The following CSNK2A2IP variants were observed in gnomAD, a reference collection of about 807,000 sequenced individuals.
The protein encoded by CSNK2A2IP is casein kinase II subunit alpha'-interacting protein.
At chr3:88,415,599 G>A in the CSNK2A2IP span, among the ~76,000 whole-genome samples, 1 of 151,862 alleles carries the variant, frequency 6.6e-6, no homozygotes, top group Admixed American at 6.6e-5. Context: ...ATAAGAGTGG[G>A]GAGGGGGCGG....
the CSNK2A2IP span, among the ~76,000 whole-genome samples, chr3:88,428,245 A>G: frequency 6.6e-6 from 1 of 152,082 alleles, no homozygotes; most frequent in East Asian, 1.9e-4. Flanking sequence ...TATTTACCCA[A>G]TGCTTGTACC....
the CSNK2A2IP span, among the ~76,000 whole-genome samples, chr3:88,416,729 A>G: frequency 4.6e-5 from 7 of 152,268 alleles, no homozygotes; most frequent in South Asian, 1.2e-3. Flanking sequence ...TATAAATCCT[A>G]CCCCATTAAT....
chr3:88,442,531 TAATAAG>T, the CSNK2A2IP span, among the ~76,000 whole-genome samples: 1 of 152,126 alleles, frequency 6.6e-6, no homozygotes, highest in African/African-American at 2.4e-5. Context: ...TGTTTTATAA[TAATAAG>T]AATAATAATT....
At chr3:88,446,365 G>A in the CSNK2A2IP span, among the ~76,000 whole-genome samples, 3 of 152,038 alleles carry the variant, frequency 2.0e-5, no homozygotes. Context: ...TAGGATTACA[G>A]GCATGAGCCA....
At chr3:88,408,619 C>T in the CSNK2A2IP span, among the ~76,000 whole-genome samples, 2 of 152,054 alleles carry the variant, frequency 1.3e-5, no homozygotes, top group African/African-American at 2.4e-5. Flanking sequence ...ACATAAAGTA[C>T]TCTATTAACT....
the CSNK2A2IP span, among the ~76,000 whole-genome samples, chr3:88,352,125 T>C: frequency 2.0e-5 from 3 of 152,218 alleles, no homozygotes; most frequent in Non-Finnish European, 4.4e-5. Flanking sequence ...ATTTTTTTAC[T>C]GTTTTAGTCA....
the CSNK2A2IP span, among the ~76,000 whole-genome samples, chr3:88,445,017 A>C: frequency 6.6e-6 from 1 of 152,090 alleles, no homozygotes; most frequent in African/African-American, 2.4e-5. Context: ...AATTTGATAC[A>C]CTATTTCATT....
At chr3:88,343,489 G>A in the CSNK2A2IP span, among the ~76,000 whole-genome samples, 1 of 151,874 alleles carries the variant, frequency 6.6e-6, no homozygotes, top group Admixed American at 6.6e-5. Context: ...GTGGTTATGA[G>A]TCATTAGTTA....
At chr3:88,465,371 C>A in the CSNK2A2IP span, 1 of 1,231,534 alleles carries the variant, frequency 8.1e-7, no homozygotes, top group Non-Finnish European at 1.0e-6. Context: ...GTGCCACTAG[C>A]ATATTATGGT....
chr3:88,462,135 A>ATATG, the CSNK2A2IP span, among the ~76,000 whole-genome samples: 2 of 142,938 alleles, frequency 1.4e-5, no homozygotes, highest in Non-Finnish European at 3.1e-5. Context: ...ATATATATAT[A>ATATG]TGTATTGTAA....
At chr3:88,448,941 TCTC>T in the CSNK2A2IP span, among the ~76,000 whole-genome samples, 1 of 152,186 alleles carries the variant, frequency 6.6e-6, no homozygotes, top group Non-Finnish European at 1.5e-5. Context: ...TAGTGGTCTT[TCTC>T]CTCCTTTGAC....
At chr3:88,351,821 C>G in the CSNK2A2IP span, among the ~76,000 whole-genome samples, 1 of 152,052 alleles carries the variant, frequency 6.6e-6, no homozygotes, top group Non-Finnish European at 1.5e-5. Context: ...TTAAAACATT[C>G]CTTATTCCAT....
At chr3:88,457,695 C>CAAAATAAATAAAAT in the CSNK2A2IP span, among the ~76,000 whole-genome samples, 1 of 110,300 alleles carries the variant, frequency 9.1e-6, no homozygotes, top group South Asian at 3.1e-4. Flanking sequence ...GACTCAGTCT[C>CAAAATAAATAAAAT]AAAATAAAAT....
At chr3:88,402,521 T>G in the CSNK2A2IP span, among the ~76,000 whole-genome samples, 1 of 152,102 alleles carries the variant, frequency 6.6e-6, no homozygotes, top group Non-Finnish European at 1.5e-5. Flanking sequence ...AAATGTCTAT[T>G]ACTAAAATTG....
At chr3:88,401,695 C>A in the CSNK2A2IP span, among the ~76,000 whole-genome samples, 20 of 152,062 alleles carry the variant, frequency 1.3e-4, no homozygotes, top group African/African-American at 3.9e-4. Context: ...GACTCACTTG[C>A]AAAATCTCAG....
At chr3:88,443,332 G>A in the CSNK2A2IP span, among the ~76,000 whole-genome samples, 1 of 152,144 alleles carries the variant, frequency 6.6e-6, no homozygotes, top group Non-Finnish European at 1.5e-5. Context: ...AGTATTAGAA[G>A]TGAGAAAACA....
At chr3:88,461,985 T>A in the CSNK2A2IP span, among the ~76,000 whole-genome samples, 1 of 151,956 alleles carries the variant, frequency 6.6e-6, no homozygotes, top group Non-Finnish European at 1.5e-5. Context: ...GCCGAGGTTT[T>A]TTTTCATATA....
the CSNK2A2IP span, among the ~76,000 whole-genome samples, chr3:88,375,652 C>T: frequency 2.6e-5 from 4 of 151,878 alleles, no homozygotes; most frequent in Admixed American, 2.0e-4. Flanking sequence ...ACCCAAACTA[C>T]AGCAAACAGT....
chr3:88,344,119 C>T, the CSNK2A2IP span, among the ~76,000 whole-genome samples: 193 of 151,942 alleles, frequency 1.3e-3, 2 homozygotes, highest in African/African-American at 4.3e-3. Context: ...GAAATTGCAA[C>T]CAGGCTCCCA....
Sources: gnomAD v4.1 joint callset for allele counts (sites outside exome capture counted in the v4.1 genomes callset) on GRCh38, gnomAD v4.1.1 for gene constraint, MANE v1.5 for transcripts, NCBI Gene and HGNC (gene_info 2026-07-23, HGNC 2026-07-21) for gene names.